Variants in SPEF2 observed in about 807,000 individuals in gnomAD.
SPEF2 encodes sperm flagella and cilia-associated protein 2.
Under a neutral mutation model 224.6 loss-of-function variants are expected in SPEF2, and 187 were observed. That is an observed-to-expected ratio of 0.83 (90% CI 0.74 to 0.94). The LOEUF (loss-of-function observed/expected upper bound fraction) is 0.94, where lower values mean the gene tolerates loss of function less well. Ranked by LOEUF, SPEF2 falls within the 40% of genes least tolerant of loss-of-function variation. The pLI, the probability that SPEF2 is intolerant of heterozygous loss-of-function variation, is 0.00. For synonymous variants in SPEF2, 715 were observed against 707.3 expected (o/e 1.01, Z -0.17); for missense variants, 2,170 against 2,135.6 (o/e 1.02, Z -0.32).
In SPEF2 at chr5:35,667,005, G is replaced by A. The variant is rs1750557240; in HGVS notation, c.1168-67G>A. 4.2e-6 allele frequency: 6 copies of A among 1,438,526 alleles called. No homozygotes were observed. In the South Asian group the frequency reaches 7.0e-5, roughly 17 times the overall value. 89.1% of individuals were successfully genotyped at this position (1,438,526 alleles called of 1,614,324 possible). A position where few individuals can be genotyped will look rare whatever the true frequency, so the allele number is the denominator to read the frequency against. ...TCTACTGAAAGACTTTTTGGCCATTGAAATGATGACATTATTTTTATTTGA... is the reference window on the plus strand; with the variant it reads ...TCTACTGAAAGACTTTTTGGCCATTAAAATGATGACATTATTTTTATTTGA... On this transcript the variant is annotated intron_variant, in intron 8 of 36. Transcript: ENST00000356031.
Position 35,659,222 on chromosome 5 carries a change from C to A in SPEF2, c.1167+15C>A. 3.8e-6 allele frequency: 6 copies of A among 1,571,212 alleles called. No individual in the cohort carries two copies. Among genetic ancestry groups the A allele is most frequent in the Non-Finnish European group, 5.2e-6 (6 of 1,154,564 alleles). On this transcript the variant is annotated intron_variant, in intron 8 of 36. Coordinates refer to ENST00000356031, the MANE Select transcript of SPEF2 (RefSeq NM_024867.4). Reference sequence around the variant, plus strand: ...ATCGAGAAGCGGTAAATACCATCTTCCTTAGAAATCTTTCTAAGGTTACTT... The same window carrying A: ...ATCGAGAAGCGGTAAATACCATCTTACTTAGAAATCTTTCTAAGGTTACTT...
intron 21 of SPEF2, among the ~76,000 whole-genome samples, chr5:35,730,171 T>C (rs1745403755): frequency 6.6e-6 from 1 of 152,068 alleles, no homozygotes; most frequent in African/African-American, 2.4e-5. Context: ...GGGAGAGAGA[T>C]TGAAAAGAGA....
chr5:35,710,658 C>G (rs1248730290), intron 19 of SPEF2: 1 of 984,636 alleles, frequency 1.0e-6, no homozygotes, highest in Non-Finnish European at 1.2e-6. Context: ...AGCTATGACT[C>G]TAGGTTAAAG....
intron 21 of SPEF2, among the ~76,000 whole-genome samples, chr5:35,738,010 T>G (rs1353825054): frequency 6.6e-6 from 1 of 152,242 alleles, no homozygotes; most frequent in Non-Finnish European, 1.5e-5. Flanking sequence ...CATAAATGTC[T>G]TCTTTTAAGA....
At chr5:35,687,380 C>A (rs539212498) in intron 10 of SPEF2, among the ~76,000 whole-genome samples, 1 of 152,076 alleles carries the variant, frequency 6.6e-6, no homozygotes, top group South Asian at 2.1e-4. Context: ...TCGTAACTTA[C>A]AAGGCAACAC....
rs1754385963 is a variant in SPEF2, at chr5:35,691,041, T to C, written c.1529T>C (p.Met510Thr). ...DTNDYEEYKN[M>T]VGEWALPEEM... ...ATTTGATCGTTATTTTTACAGAACA[T>C]GGTTGGAGAGTGGGCCTTACCAGAA... Residue 510 changes from methionine (M) to threonine (T), a missense_variant, in exon 11 of 37, where the codon ATG becomes ACG. Coordinates refer to ENST00000356031, the MANE Select transcript of SPEF2 (RefSeq NM_024867.4). 1 of 1,613,146 alleles carries C rather than the reference T, an allele frequency of 6.2e-7. No individual in the cohort carries two copies. Among genetic ancestry groups the C allele is most frequent in the Admixed American group, 1.7e-5 (1 of 59,980 alleles).
chr5:35,689,345 C>A (rs73082280), intron 10 of SPEF2, among the ~76,000 whole-genome samples: 1,963 of 152,208 alleles, frequency 0.013, 53 homozygotes, highest in African/African-American at 0.046. Flanking sequence ...TTATACCATG[C>A]AATATACTTC....
rs749264268 is a variant in SPEF2 at position 35,691,252 on chromosome 5, A to G, written c.1740A>G (p.Gln580=). Residue 580 remains glutamine (Q), a synonymous_variant, in exon 11 of 37, where the codon CAA becomes CAG. Transcript: ENST00000356031. ...AAACTACCATTTTAAGGTCTCTACAAAAAGGTAGAATTTCTTCTCCTACTC... is the reference window on the plus strand; with the variant it reads ...AAACTACCATTTTAAGGTCTCTACAGAAAGGTAGAATTTCTTCTCCTACTC... ...SGKTTILRSL[Q]KDFPIQILSI... The G allele has an allele frequency of 1.9e-6, 3 of 1,613,322 alleles. No homozygotes were observed. The South Asian group carries it at 3.3e-5, about 18-fold the overall frequency.
At chr5:35,771,779 G>C in intron 27 of SPEF2, 23 bp downstream of exon 27, 1 of 1,574,978 alleles carries the variant, frequency 6.3e-7, no homozygotes, top group Non-Finnish European at 8.6e-7. Flanking sequence ...TTAGCACTCA[G>C]AACCCTGGAT....
At chr5:35,749,738 C>T (rs1054510068) in intron 23 of SPEF2, among the ~76,000 whole-genome samples, 3 of 151,946 alleles carry the variant, frequency 2.0e-5, no homozygotes, top group African/African-American at 4.8e-5. Context: ...CCCATGCTCA[C>T]GGATGAGTAG....
intron 20 of SPEF2, among the ~76,000 whole-genome samples, chr5:35,725,148 A>G (rs771026844): frequency 6.6e-6 from 1 of 152,176 alleles, no homozygotes; most frequent in Non-Finnish European, 1.5e-5. Context: ...CTTCCTGGTC[A>G]TGTTGCTTCA....
chr5:35,680,271 G>T (rs1752602434), intron 10 of SPEF2, among the ~76,000 whole-genome samples: 1 of 152,128 alleles, frequency 6.6e-6, no homozygotes, highest in Non-Finnish European at 1.5e-5. Context: ...TCATACGATA[G>T]GTTGTTACTT....
chr5:35,692,085 A>C (rs1754583819), intron 11 of SPEF2, among the ~76,000 whole-genome samples: 1 of 151,714 alleles, frequency 6.6e-6, no homozygotes, highest in Non-Finnish European at 1.5e-5. Flanking sequence ...AGCATGAGCC[A>C]CCGTGCCCAG....
intron 26 of SPEF2, among the ~76,000 whole-genome samples, 155 bp downstream of exon 26, chr5:35,763,857 T>A (rs964114408): frequency 7.2e-5 from 11 of 152,218 alleles, no homozygotes; most frequent in African/African-American, 2.7e-4. Flanking sequence ...AATAGAGAAA[T>A]GTGATTCAGT....
intron 10 of SPEF2, among the ~76,000 whole-genome samples, chr5:35,687,648 C>A (rs1246774513): frequency 6.6e-6 from 1 of 152,116 alleles, no homozygotes; most frequent in African/African-American, 2.4e-5. Flanking sequence ...AGCCACCGCA[C>A]CAGGCCCACT....
chr5:35,658,804 G>A (rs935585312), intron 7 of SPEF2, among the ~76,000 whole-genome samples: 3 of 152,050 alleles, frequency 2.0e-5, no homozygotes, highest in African/African-American at 7.2e-5. Flanking sequence ...TAAAGTAATT[G>A]TGAGTTGCAA....
chr5:35,673,852 C>A (rs936600803), intron 10 of SPEF2, among the ~76,000 whole-genome samples: 2 of 152,118 alleles, frequency 1.3e-5, no homozygotes, highest in Admixed American at 6.5e-5. Flanking sequence ...AACATGTGTA[C>A]GCCTGTCACT....
rs775267018 is a variant in SPEF2, at chr5:35,691,272, C to T, written c.1744+16C>T. 6.3e-7 allele frequency: 1 copy of T among 1,599,160 alleles called. No individual in the cohort carries two copies. Among genetic ancestry groups the T allele is most frequent in the Non-Finnish European group, 8.6e-7 (1 of 1,167,650 alleles). ...CTACAAAAAGGTAGAATTTCTTCTC[C>T]TACTCTCCCTGCCATTAGGTCCTAT... On this transcript the variant is annotated intron_variant, in intron 11 of 36. Coordinates refer to ENST00000356031, the MANE Select transcript of SPEF2 (RefSeq NM_024867.4).
chr5:35,705,682 T>C lies in SPEF2; in HGVS notation c.2539T>C (p.Leu847=), dbSNP rs375348081. The C allele has an allele frequency of 2.2e-5, 35 of 1,591,464 alleles. No homozygotes were observed. Among genetic ancestry groups the C allele is most frequent in the Non-Finnish European group, 2.8e-5 (33 of 1,173,584 alleles). ...AGGCTTCTTGGACAACTGGCCTTTA[T>C]TGGAGCAATGGTTTTCAGAGCCAGA... ...IIGFLDNWPL[L]EQWFSEPENI... The change falls in exon 18 of 37, where the codon TTG becomes CTG. Residue 847 remains leucine, a synonymous_variant. Coordinates refer to ENST00000356031, the MANE Select transcript of SPEF2 (RefSeq NM_024867.4).
Sources: allele counts gnomAD v4.1 joint callset (sites outside exome capture counted in the v4.1 genomes callset), GRCh38; gene constraint gnomAD v4.1.1; transcripts MANE v1.5; gene names NCBI Gene and HGNC (gene_info 2026-07-23, HGNC 2026-07-21).